The following ADAMTSL1 variants were observed in gnomAD, a reference collection of about 807,000 sequenced individuals.
The protein encoded by ADAMTSL1 is ADAMTS-like protein 1.
In ADAMTSL1, 126 loss-of-function variants were observed where a neutral mutation model predicts 201.8. The ratio of observed to expected loss-of-function variants is 0.62; its 90% CI spans 0.54 to 0.72. The LOEUF (loss-of-function observed/expected upper bound fraction) is 0.72, where lower values mean the gene tolerates loss of function less well. Among genes scored for constraint, ADAMTSL1 ranks in the 30% least tolerant of loss-of-function variants. ADAMTSL1 has a pLI of 0.00. For synonymous variants in ADAMTSL1, 1,121 were observed against 903.4 expected (o/e 1.24, Z -4.32); for missense variants, 2,679 against 2,277.8 (o/e 1.18, Z -3.59).
intron 1 of ADAMTSL1, among the ~76,000 whole-genome samples, chr9:18,161,206 T>C (rs1827373436): frequency 6.6e-6 from 1 of 152,042 alleles, no homozygotes; most frequent in Non-Finnish European, 1.5e-5. Context: ...TTATTCTTCA[T>C]TGTTAGCATT....
At chr9:18,606,053 C>G (rs1002800790) in intron 4 of ADAMTSL1, among the ~76,000 whole-genome samples, 1 of 152,122 alleles carries the variant, frequency 6.6e-6, no homozygotes, top group African/African-American at 2.4e-5. Context: ...TTTGGCAGGG[C>G]TTGGCGAGAA....
At chr9:18,370,946 C>A (rs981456486) in intron 2 of ADAMTSL1, among the ~76,000 whole-genome samples, 8 of 151,884 alleles carry the variant, frequency 5.3e-5, no homozygotes, top group African/African-American at 1.7e-4. Context: ...AATTATATTG[C>A]CTTTTGGTCT....
intron 15 of ADAMTSL1, among the ~76,000 whole-genome samples, chr9:18,728,268 A>G (rs769417488): frequency 2.0e-5 from 3 of 152,178 alleles, no homozygotes; most frequent in Non-Finnish European, 2.9e-5. Flanking sequence ...AAACATCAGC[A>G]TTAGGAAAAT....
chr9:18,229,016 T>A (rs1485237838), intron 2 of ADAMTSL1, among the ~76,000 whole-genome samples: 1 of 152,022 alleles, frequency 6.6e-6, no homozygotes, highest in Non-Finnish European at 1.5e-5. Context: ...TTTATAGACC[T>A]CCATGGTGGC....
intron 8 of ADAMTSL1, among the ~76,000 whole-genome samples, chr9:18,661,721 T>A (rs1208998178): frequency 6.6e-6 from 1 of 152,226 alleles, no homozygotes. Flanking sequence ...AATTATATAA[T>A]GTAATTATTA....
chr9:18,251,809 G>C (rs1355628306), intron 2 of ADAMTSL1, among the ~76,000 whole-genome samples: 1 of 152,110 alleles, frequency 6.6e-6, no homozygotes, highest in East Asian at 1.9e-4. Context: ...TCCAGAAATA[G>C]TTTCAAATAT....
chr9:18,083,312 A>C (rs1478764071), intron 1 of ADAMTSL1, among the ~76,000 whole-genome samples: 1 of 152,328 alleles, frequency 6.6e-6, no homozygotes, highest in South Asian at 2.1e-4. Flanking sequence ...TCAGTTCTCA[A>C]GGTTAGAGTT....
chr9:18,805,895 G>A (rs948980582), intron 20 of ADAMTSL1, among the ~76,000 whole-genome samples: 15 of 152,094 alleles, frequency 9.9e-5, no homozygotes, highest in African/African-American at 3.1e-4. Context: ...CCCAGCCTGC[G>A]GTCCTTGTGT....
At chr9:18,062,085 T>C (rs1341194617) in intron 1 of ADAMTSL1, among the ~76,000 whole-genome samples, 7 of 152,188 alleles carry the variant, frequency 4.6e-5, no homozygotes, top group African/African-American at 1.7e-4. Flanking sequence ...TGCTCAATGG[T>C]CGACTTAAAA....
intron 1 of ADAMTSL1, among the ~76,000 whole-genome samples, chr9:18,152,337 C>T (rs1362890758): frequency 6.6e-6 from 1 of 151,914 alleles, no homozygotes; most frequent in Admixed American, 6.6e-5. Context: ...GATGGCATTC[C>T]AGGCACAGGG....
intron 4 of ADAMTSL1, among the ~76,000 whole-genome samples, chr9:18,618,810 T>C (rs111678916): frequency 1.7e-3 from 264 of 152,298 alleles, no homozygotes; most frequent in African/African-American, 6.2e-3. Flanking sequence ...ACTTCTACTT[T>C]TATTTCAGTA....
intron 1 of ADAMTSL1, among the ~76,000 whole-genome samples, chr9:18,016,997 C>G: frequency 6.6e-6 from 1 of 152,068 alleles, no homozygotes; most frequent in South Asian, 2.1e-4. Flanking sequence ...ACCCTTATTA[C>G]ATCCTCCCAC....
At chr9:18,682,632 G>C (rs1830571881) in intron 12 of ADAMTSL1, among the ~76,000 whole-genome samples, 1 of 152,062 alleles carries the variant, frequency 6.6e-6, no homozygotes, top group East Asian at 1.9e-4. Flanking sequence ...CAATGGAAAA[G>C]AAAAATTCAA....
chr9:18,558,123 T>A (rs574534880), intron 3 of ADAMTSL1, among the ~76,000 whole-genome samples: 3 of 152,146 alleles, frequency 2.0e-5, no homozygotes, highest in Admixed American at 2.0e-4. Flanking sequence ...ACCCATCATC[T>A]ACATTAGTTA....
At chr9:18,260,088 C>T (rs1831856287) in intron 2 of ADAMTSL1, among the ~76,000 whole-genome samples, 1 of 152,202 alleles carries the variant, frequency 6.6e-6, no homozygotes, top group South Asian at 2.1e-4. Context: ...CAGGGCAAAT[C>T]TTCACACTAT....
intron 1 of ADAMTSL1, among the ~76,000 whole-genome samples, chr9:17,955,282 C>A (rs113099681): frequency 3.0e-4 from 45 of 152,242 alleles, no homozygotes; most frequent in African/African-American, 1.1e-3. Context: ...TGGCTCATCT[C>A]TTCTGGGGAC....
At position 18,574,180 on chromosome 9, in the gene ADAMTSL1, C is replaced by G; in HGVS notation, c.388C>G (p.Leu130Val). 1 of 1,614,140 alleles carries G rather than the reference C, an allele frequency of 6.2e-7. No individual in the cohort carries two copies. The highest frequency in any genetic ancestry group is 8.5e-7 in the Non-Finnish European group (1 of 1,180,006). ...SLKCQAKGTT[L>V]VVELAPKVLD... ...CAAGTGCCAAGCCAAAGGAACAACC[C>G]TGGTTGTTGAACTAGCACCTAAGGT... The change falls in exon 4 of 29, where the codon CTG (leucine) becomes GTG (valine). Residue 130 changes from leucine (L) to valine (V), a missense_variant. Coordinates refer to ENST00000380548, the MANE Select transcript of ADAMTSL1 (RefSeq NM_001040272.6).
At chr9:18,822,692 T>G (rs1046501680) in intron 21 of ADAMTSL1, among the ~76,000 whole-genome samples, 1 of 152,186 alleles carries the variant, frequency 6.6e-6, no homozygotes, top group Non-Finnish European at 1.5e-5. Flanking sequence ...CTTTTTCTCA[T>G]AAAATGGAGT....
rs542571046 is a variant in ADAMTSL1, at chr9:18,010,928, A to G, written c.87+104006A>G. Among the ~76,000 whole-genome samples, 3 of 152,166 alleles carry G rather than the reference A, an allele frequency of 2.0e-5. No homozygotes were observed. In the South Asian group the frequency reaches 6.2e-4, roughly 32 times the overall value. On this transcript the variant is annotated intron_variant, in intron 1 of 29. Coordinates refer to the ADAMTSL1 transcript ENST00000680146. ...ACATTGTTTAGATATTTAAATAATT[A>G]TAGAATTATTTTTTATTTGTATGAT...
Sources: gnomAD v4.1 joint callset for allele counts (sites outside exome capture counted in the v4.1 genomes callset) on GRCh38, gnomAD v4.1.1 for gene constraint, MANE v1.5 for transcripts, NCBI Gene and HGNC (gene_info 2026-07-23, HGNC 2026-07-21) for gene names.